Variants in ISM2 observed in about 807,000 individuals in gnomAD.
ISM2 encodes isthmin 2.
In ISM2, 50 loss-of-function variants were observed where a neutral mutation model predicts 58.0. The ratio of observed to expected loss-of-function variants is 0.86; its 90% CI spans 0.69 to 1.09. The LOEUF (loss-of-function observed/expected upper bound fraction) is 1.09, where lower values mean the gene tolerates loss of function less well. ISM2 is among the 50% of genes least tolerant of loss of function. ISM2 has a pLI of 0.00. For missense variants in ISM2, 723 were observed against 745.0 expected, an observed-to-expected ratio of 0.97 and a Z score of 0.34; for synonymous variants, 303 against 312.4, an observed-to-expected ratio of 0.97 and a Z score of 0.32.
intron 6 of ISM2, among the ~76,000 whole-genome samples, chr14:77,477,727 C>G (rs1455038669): frequency 6.6e-6 from 1 of 152,180 alleles, no homozygotes; most frequent in Non-Finnish European, 1.5e-5. Flanking sequence ...GAGTGCAACC[C>G]TTATCTGCAA....
At chr14:77,489,458 T>C (rs941285538) in intron 1 of ISM2, among the ~76,000 whole-genome samples, 13 of 152,198 alleles carry the variant, frequency 8.5e-5, no homozygotes, top group Non-Finnish European at 1.8e-4. Context: ...ACAATAGCAA[T>C]TGACTCTTTA....
At chr14:77,483,660 CTG>C (rs373182955) in intron 3 of ISM2, among the ~76,000 whole-genome samples, 36 of 147,580 alleles carry the variant, frequency 2.4e-4, no homozygotes, top group South Asian at 1.3e-3. Flanking sequence ...GTGTGTGTGT[CTG>C]TGTGTGTGTG....
At chr14:77,490,864 A>G (rs982449880) in intron 1 of ISM2, among the ~76,000 whole-genome samples, 1 of 152,018 alleles carries the variant, frequency 6.6e-6, no homozygotes, top group Non-Finnish European at 1.5e-5. Flanking sequence ...AACCCTTTAG[A>G]GACTGAATGG....
chr14:77,492,254 G>A (rs534013726), intron 1 of ISM2, among the ~76,000 whole-genome samples: 2 of 152,298 alleles, frequency 1.3e-5, no homozygotes, highest in South Asian at 4.1e-4. Flanking sequence ...TTGCCTGCCA[G>A]GGAGGTGGTG....
At chr14:77,476,670 T>C (rs1050805774) in intron 6 of ISM2, among the ~76,000 whole-genome samples, 2 of 152,184 alleles carry the variant, frequency 1.3e-5, no homozygotes, top group African/African-American at 4.8e-5. Context: ...TTTTAAACTA[T>C]ATTTTTATTT....
chr14:77,479,598 G>T (rs1235393586), intron 4 of ISM2, among the ~76,000 whole-genome samples: 1 of 152,110 alleles, frequency 6.6e-6, no homozygotes, highest in Admixed American at 6.6e-5. Context: ...TGGTCAGGCT[G>T]GTCTCGAACC....
intron 1 of ISM2, among the ~76,000 whole-genome samples, chr14:77,489,920 G>C (rs1246532784): frequency 6.6e-6 from 1 of 152,214 alleles, no homozygotes; most frequent in Non-Finnish European, 1.5e-5. Context: ...CTGGAGTGCA[G>C]TGGCACGATC....
At position 77,475,755 on chromosome 14, in the gene ISM2, G is replaced by C; in HGVS notation, c.1556C>G (p.Pro519Arg). 1.2e-6 allele frequency: 2 copies of C among 1,613,842 alleles called. No individual in the cohort carries two copies. Among genetic ancestry groups the C allele is most frequent in the Middle Eastern group, 1.6e-4 (1 of 6,062 alleles). ...MPNLISTDFS[P>R]KLHFKFDTTP... ...CGTGTCGAACTTGAAGTGCAGCTTAGGTGAGAAGTCGGTGCTGATGAGGTT... is the reference window on the plus strand; with the variant it reads ...CGTGTCGAACTTGAAGTGCAGCTTACGTGAGAAGTCGGTGCTGATGAGGTT... The change falls in exon 7 of 7, where the codon CCT becomes CGT. Residue 519 changes from proline to arginine, a missense_variant. Physicochemically the swap from Pro to Arg is moderately radical, Grantham distance 103. Coordinates refer to ENST00000342219, the MANE Select transcript of ISM2 (RefSeq NM_199296.3). This position sits in a 1 kb window ranked among gnomAD's most constrained non-coding sequence, Gnocchi z 4.1.
chr14:77,484,307 C>T lies in ISM2; in HGVS notation c.627+16G>A, dbSNP rs1246030212. 1 of 1,607,440 alleles carries T rather than the reference C, an allele frequency of 6.2e-7. No homozygotes were observed. Among genetic ancestry groups the T allele is most frequent in the African/African-American group, 1.3e-5 (1 of 74,902 alleles). On this transcript the variant is annotated intron_variant, in intron 3 of 6. Transcript: ENST00000342219. ...CCGGGTGTCTGCAGGGCTGCTGGCC[C>T]TTCTGTAGCTCTCACCTGGTTATCA...
At chr14:77,492,744 G>A (rs547474808) in intron 1 of ISM2, among the ~76,000 whole-genome samples, 21 of 152,044 alleles carry the variant, frequency 1.4e-4, no homozygotes, top group South Asian at 1.0e-3. Flanking sequence ...ATGGTGGCTC[G>A]CGCCTGTAAT....
Position 77,487,140 on chromosome 14 carries a change from G to T in ISM2, c.142-2221C>A, listed in dbSNP as rs11845283. ...GGTGCCTGTAGTCCCAGCTACTCGGGAGGCTGAGGCAGGAGAATCGCTTGA... is the reference window on the plus strand; with the variant it reads ...GGTGCCTGTAGTCCCAGCTACTCGGTAGGCTGAGGCAGGAGAATCGCTTGA... On this transcript the variant is annotated intron_variant, in intron 1 of 6. Transcript: ENST00000342219. Among the ~76,000 whole-genome samples, 588 of 151,946 alleles carry T rather than the reference G, an allele frequency of 3.9e-3. 2 individuals carry two copies. The highest frequency in any genetic ancestry group is 0.013 in the African/African-American group (555 of 41,430).
chr14:77,497,463 T>C (rs1242716055), intron 1 of ISM2, among the ~76,000 whole-genome samples: 4 of 150,406 alleles, frequency 2.7e-5, no homozygotes, highest in East Asian at 2.0e-4. Flanking sequence ...GGCAGGAGGA[T>C]TGCTTGAGGT....
At chr14:77,481,795 T>A (rs983908724) in intron 4 of ISM2, among the ~76,000 whole-genome samples, 2 of 132,284 alleles carry the variant, frequency 1.5e-5, no homozygotes, top group African/African-American at 4.9e-5. Flanking sequence ...TCAAATGTTG[T>A]TCAGAAAAAA....
chr14:77,491,466 G>A (rs538384851), intron 1 of ISM2, among the ~76,000 whole-genome samples: 8 of 152,294 alleles, frequency 5.3e-5, no homozygotes, highest in South Asian at 4.1e-4. Flanking sequence ...TCGGCTCACC[G>A]CAACCTCTGC....
chr14:77,497,445 G>A (rs1198231965), intron 1 of ISM2, among the ~76,000 whole-genome samples: 1 of 151,586 alleles, frequency 6.6e-6, no homozygotes, highest in Non-Finnish European at 1.5e-5. Context: ...GGCACTATGG[G>A]AGGCTGAGGC....
At chr14:77,486,035 T>C (rs930588199) in intron 1 of ISM2, among the ~76,000 whole-genome samples, 9 of 152,258 alleles carry the variant, frequency 5.9e-5, no homozygotes, top group Non-Finnish European at 1.2e-4. Flanking sequence ...TCATCACTCA[T>C]TTCATCCTCC....
Position 77,485,144 on chromosome 14 carries a change from A to G in ISM2, c.142-225T>C, listed in dbSNP as rs568268452. Among the ~76,000 whole-genome samples, 13 of 152,302 alleles carry G rather than the reference A, an allele frequency of 8.5e-5. No individual in the cohort carries two copies. The South Asian group carries it at 2.7e-3, about 32-fold the overall frequency. ...GAGGGTGTAGCTGGTCAGACAGTGG[A>G]CTGTATCCACAAAGTGCTTTCACAG... On this transcript the variant is annotated intron_variant, in intron 1 of 6. Coordinates refer to ENST00000342219, the MANE Select transcript of ISM2 (RefSeq NM_199296.3).
chr14:77,496,728 C>T (rs935023650), intron 1 of ISM2, among the ~76,000 whole-genome samples: 12 of 131,122 alleles, frequency 9.2e-5, no homozygotes, highest in African/African-American at 2.8e-4. Context: ...ACCCGAGAGG[C>T]GGAGGTTGCA....
chr14:77,477,783 GAC>G, intron 6 of ISM2, among the ~76,000 whole-genome samples: 1 of 152,306 alleles, frequency 6.6e-6, no homozygotes, highest in East Asian at 1.9e-4. Flanking sequence ...AAGACCAACA[GAC>G]ACAGACTCAG....
Sources: allele counts gnomAD v4.1 joint callset (sites outside exome capture counted in the v4.1 genomes callset), GRCh38; gene constraint gnomAD v4.1.1; non-coding constraint Gnocchi (gnomAD v3.1); transcripts MANE v1.5; gene names NCBI Gene and HGNC (gene_info 2026-07-23, HGNC 2026-07-21).